The following TSKS variants were observed in gnomAD, a reference collection of about 807,000 sequenced individuals.
The protein encoded by TSKS is testis specific serine kinase substrate.
In TSKS, 27 loss-of-function variants were observed where a neutral mutation model predicts 68.0. That is an observed-to-expected ratio of 0.40 (90% CI 0.29 to 0.55). TSKS has a LOEUF of 0.55. Among genes scored for constraint, TSKS ranks in the 20% least tolerant of loss-of-function variants. The pLI is 0.53. For missense variants in TSKS, 806 were observed against 776.0 expected, an observed-to-expected ratio of 1.04 and a Z score of -0.46; for synonymous variants, 331 against 340.4, an observed-to-expected ratio of 0.97 and a Z score of 0.30.
rs1489209466 is a variant in TSKS at position 49,745,368 on chromosome 19, A to G, written c.1021T>C (p.Trp341Arg). Reference sequence around the variant, plus strand: ...TGCACCGCCCCCTCCTCCTGATGCCACCGGGCGGTCAGTGAGGACACCTCT... The same window carrying G: ...TGCACCGCCCCCTCCTCCTGATGCCGCCGGGCGGTCAGTGAGGACACCTCT... The part of the protein sequence containing the change: ...RREVSSLTAR[W>R]HQEEGAVQEA... The change falls in exon 7 of 11, where the codon TGG (tryptophan) becomes CGG (arginine). Residue 341 changes from tryptophan (W) to arginine (R), a missense_variant. Coordinates refer to ENST00000246801, the MANE Select transcript of TSKS (RefSeq NM_021733.2). The G allele has an allele frequency of 6.3e-7, 1 of 1,583,518 alleles. No individual in the cohort carries two copies. Among genetic ancestry groups the G allele is most frequent in the Non-Finnish European group, 8.6e-7 (1 of 1,169,152 alleles).
chr19:49,742,480 G>A (rs2084260622), intron 8 of TSKS, among the ~76,000 whole-genome samples: 1 of 140,960 alleles, frequency 7.1e-6, no homozygotes, highest in Non-Finnish European at 1.5e-5. Flanking sequence ...ACAGGCATGA[G>A]CCACCGGGCC....
At chr19:49,751,809 T>A (rs1226822729) in intron 2 of TSKS, among the ~76,000 whole-genome samples, 1 of 144,354 alleles carries the variant, frequency 6.9e-6, no homozygotes, top group African/African-American at 2.6e-5. Context: ...ACACCTGTAA[T>A]CCCAGCACTT....
intron 9 of TSKS, among the ~76,000 whole-genome samples, chr19:49,740,852 C>G (rs527952554): frequency 3.0e-4 from 44 of 148,462 alleles, no homozygotes; most frequent in Middle Eastern, 3.8e-3. Flanking sequence ...CCACTGCACT[C>G]CAGCCTGGAG....
chr19:49,750,180 A>G (rs2084337274), intron 2 of TSKS, among the ~76,000 whole-genome samples: 1 of 151,410 alleles, frequency 6.6e-6, no homozygotes, highest in East Asian at 1.9e-4. Context: ...GAGACATTAC[A>G]TCTTCTGTGT....
At position 49,740,177 on chromosome 19, in the gene TSKS, C is replaced by T. The variant is rs1456568392; in HGVS notation, c.1504G>A (p.Glu502Lys). The change falls in exon 10 of 11, where the codon GAG becomes AAG. Residue 502 changes from glutamate (E) to lysine (K), a missense_variant. By Grantham distance (56) the Glu-to-Lys change is moderately conservative (BLOSUM62 1). Transcript: ENST00000246801. ...QRLHKKILEL[E>K]RQALAKHVRA... ...ACGTGTTTGGCTAAGGCCTGGCGCT[C>T]CAGCTCCTGGGGAGAGGAGCGTAGG... The T allele has an allele frequency of 6.2e-7, 1 of 1,612,202 alleles. No homozygotes were observed. The highest frequency in any genetic ancestry group is 8.5e-7 in the Non-Finnish European group (1 of 1,179,684).
intron 6 of TSKS, 81 bp downstream of exon 6, chr19:49,746,389 G>A (rs1254570189): frequency 2.0e-6 from 3 of 1,529,750 alleles, no homozygotes; most frequent in African/African-American, 1.4e-5. Context: ...CTTGGGTCCC[G>A]CCCACCGCAT....
At chr19:49,743,267 T>A (rs2084267115) in intron 8 of TSKS, among the ~76,000 whole-genome samples, 1 of 151,412 alleles carries the variant, frequency 6.6e-6, no homozygotes, top group African/African-American at 2.4e-5. Flanking sequence ...TTAGTAGAGA[T>A]GGGGTCTCAC....
In TSKS at chr19:49,763,139, G is replaced by C; in HGVS notation, c.109C>G (p.Arg37Gly). Residue 37 changes from arginine to glycine, a missense_variant, in exon 1 of 11, where the codon CGG becomes GGG. Coordinates refer to ENST00000246801, the MANE Select transcript of TSKS (RefSeq NM_021733.2). The surrounding 1 kb of genome is among the most constrained non-coding windows in gnomAD (Gnocchi z 4.5). ...SCSQLVPEAP[R>G]RVTSRAKGIP... ...CCCTTGGCCCGGCTGGTCACCCTCC[G>C]GGGAGCCTCTGGGACTAGCTGGGAG... is the stretch of plus-strand genomic sequence containing the variant. 6.2e-7 allele frequency: 1 copy of C among 1,611,284 alleles called. No individual in the cohort carries two copies. Among genetic ancestry groups the C allele is most frequent in the Non-Finnish European group, 8.5e-7 (1 of 1,178,692 alleles).
intron 9 of TSKS, 169 bp from the exon 10 acceptor site, chr19:49,740,352 C>G: frequency 1.3e-6 from 1 of 762,568 alleles, no homozygotes; most frequent in Non-Finnish European, 2.1e-6. Context: ...CCACAATGCA[C>G]TGGTCTCCAG....
At chr19:49,753,828 C>A (rs2084371851) in intron 2 of TSKS, among the ~76,000 whole-genome samples, 1 of 150,782 alleles carries the variant, frequency 6.6e-6, no homozygotes. Flanking sequence ...ACAACAAATC[C>A]TTATGAGTGG....
At chr19:49,747,315 C>G (rs2084311463) in intron 5 of TSKS, 74 bp downstream of exon 5, 1 of 1,611,958 alleles carries the variant, frequency 6.2e-7, no homozygotes, top group Non-Finnish European at 8.5e-7. Flanking sequence ...GGAGTTCCAC[C>G]TAAAAGTGTA....
At chr19:49,759,433 C>T (rs1382491675) in intron 2 of TSKS, among the ~76,000 whole-genome samples, 5 of 144,308 alleles carry the variant, frequency 3.5e-5, no homozygotes, top group South Asian at 2.2e-4. Context: ...CACACCACTG[C>T]ACTGCAGCCT....
At position 49,751,171 on chromosome 19, in the gene TSKS, G is replaced by A. The variant is rs575879378; in HGVS notation, c.400-2702C>T. ...ATACAAAAATTAGCCAGGCGTGGTG[G>A]CAGGCAGTTGTAATCCCAGCTACTT... On this transcript the variant is annotated intron_variant, in intron 2 of 10. Transcript: ENST00000246801. Among the ~76,000 whole-genome samples, 4 of 151,854 alleles carry A rather than the reference G, an allele frequency of 2.6e-5. No individual in the cohort carries two copies. The South Asian group carries it at 6.2e-4, about 24-fold the overall frequency.
rs149880155 is a variant in TSKS, at chr19:49,746,456, T to C, written c.992+14A>G. ...GATCTCGTTTTCGAGGCTCCGCCCC[T>C]AGGTCCCGCCCACCTCAGCTCTTCG... On this transcript the variant is annotated intron_variant, in intron 6 of 10. Transcript: ENST00000246801. 1 of 1,612,550 alleles carries C rather than the reference T, an allele frequency of 6.2e-7. No homozygotes were observed. The highest frequency in any genetic ancestry group is 8.5e-7 in the Non-Finnish European group (1 of 1,179,442).
intron 2 of TSKS, among the ~76,000 whole-genome samples, chr19:49,755,755 C>T (rs1369060749): frequency 6.6e-6 from 1 of 152,112 alleles, no homozygotes; most frequent in Non-Finnish European, 1.5e-5. Context: ...GTAATCCCAG[C>T]ACTTTGGGAG....
chr19:49,754,223 G>C (rs2084375383), intron 2 of TSKS, among the ~76,000 whole-genome samples: 1 of 149,984 alleles, frequency 6.7e-6, no homozygotes, highest in Non-Finnish European at 1.5e-5. Context: ...TTCAGGCCAG[G>C]CACGGTGGCT....
At chr19:49,744,519 C>G in intron 7 of TSKS, 115 bp from the exon 8 acceptor site, 1 of 980,408 alleles carries the variant, frequency 1.0e-6, no homozygotes, top group Non-Finnish European at 1.5e-6. Flanking sequence ...CAATTCTCCA[C>G]CCTGCCCTCC....
intron 2 of TSKS, among the ~76,000 whole-genome samples, chr19:49,756,779 G>C (rs567733468): frequency 6.6e-6 from 1 of 152,336 alleles, no homozygotes; most frequent in Admixed American, 6.5e-5. Flanking sequence ...AATAAGGCAG[G>C]CTAGTTGTGG....
At chr19:49,754,356 A>G (rs954196073) in intron 2 of TSKS, among the ~76,000 whole-genome samples, 2 of 151,654 alleles carry the variant, frequency 1.3e-5, no homozygotes, top group African/African-American at 2.4e-5. Flanking sequence ...AAAATTAGAC[A>G]GGCATGGTGG....
Sources: gnomAD v4.1 joint callset for allele counts (sites outside exome capture counted in the v4.1 genomes callset) on GRCh38, gnomAD v4.1.1 for gene constraint, Gnocchi (gnomAD v3.1) non-coding constraint, MANE v1.5 for transcripts, NCBI Gene and HGNC (gene_info 2026-07-23, HGNC 2026-07-21) for gene names.